PTH: variants seen among roughly 807,000 people sequenced by gnomAD.
PTH encodes the protein parathormone.
PTH carries 7 observed loss-of-function variants against 7.4 expected under a neutral mutation model. The ratio of observed to expected loss-of-function variants is 0.94; its 90% CI spans 0.53 to 1.77. PTH has a LOEUF of 1.77. Ranked by LOEUF, PTH falls within the 40% of genes most tolerant of loss-of-function variation. PTH has a pLI of 0.00. For synonymous variants in PTH, 51 were observed against 46.6 expected (o/e 1.09, Z -0.39); for missense variants, 128 against 137.1 (o/e 0.93, Z 0.33).
chr11:13,494,764 C>A (rs1292851174), intron 1 of PTH, among the ~76,000 whole-genome samples: 1 of 152,116 alleles, frequency 6.6e-6, no homozygotes, highest in African/African-American at 2.4e-5. Flanking sequence ...CTCATGCTCC[C>A]TTCTGTCACA....
At chr11:13,494,160 G>A (rs1206127824) in intron 1 of PTH, among the ~76,000 whole-genome samples, 3 of 151,938 alleles carry the variant, frequency 2.0e-5, no homozygotes, top group African/African-American at 4.8e-5. Context: ...ACAGACCAGC[G>A]TGGCTTCTTG....
At chr11:13,492,959 G>A (rs1427937475) in intron 1 of PTH, 99 bp from the exon 2 acceptor site, 19 of 1,060,660 alleles carry the variant, frequency 1.8e-5, no homozygotes, top group East Asian at 2.6e-5. Context: ...TGGTTTTCAC[G>A]AGAAGCTTTT....
intron 1 of PTH, among the ~76,000 whole-genome samples, chr11:13,495,571 G>A (rs1847527357): frequency 6.6e-6 from 1 of 152,042 alleles, no homozygotes; most frequent in South Asian, 2.1e-4. Context: ...ATTTAAATCA[G>A]AACTATTCAT....
In PTH at chr11:13,492,453, C is replaced by G; in HGVS notation, c.300G>C (p.Glu100Asp). Residue 100 changes from glutamate to aspartate, a missense_variant, in exon 3 of 3, where the codon GAG becomes GAC. Physicochemically the swap from Glu to Asp is conservative, Grantham distance 45. Coordinates refer to ENST00000282091, the MANE Select transcript of PTH (RefSeq NM_000315.4). ...ATACATTCACATCAGCTTTGTCTGCCTCTCCAAGACTTTTTTCATGGCTCT... is the reference window on the plus strand; with the variant it reads ...ATACATTCACATCAGCTTTGTCTGCGTCTCCAAGACTTTTTTCATGGCTCT... Reference protein sequence around the residue: ...LVESHEKSLGEADKADVNVLT... With the variant: ...LVESHEKSLGDADKADVNVLT... 1 of 1,614,064 alleles carries G rather than the reference C, an allele frequency of 6.2e-7. No individual in the cohort carries two copies. The highest frequency in any genetic ancestry group is 2.2e-5 in the East Asian group (1 of 44,876).
intron 1 of PTH, 29 bp from the exon 2 acceptor site, chr11:13,492,889 T>G: frequency 1.9e-6 from 3 of 1,574,514 alleles, no homozygotes; most frequent in Non-Finnish European, 2.6e-6. Flanking sequence ...TGGAGGTATT[T>G]TAAAATATTT....
chr11:13,493,796 T>A (rs1847506292), intron 1 of PTH, among the ~76,000 whole-genome samples: 4 of 152,250 alleles, frequency 2.6e-5, no homozygotes, highest in Admixed American at 2.6e-4. Context: ...TACATATATT[T>A]TACCCTTGCT....
In PTH at chr11:13,492,762, G is replaced by A; in HGVS notation, c.86+8C>T. 2 of 1,613,852 alleles carry A rather than the reference G, an allele frequency of 1.2e-6. No homozygotes were observed. The highest frequency in any genetic ancestry group is 1.7e-6 in the Non-Finnish European group (2 of 1,179,900). On this transcript the variant is annotated splice_region_variant and intron_variant, in intron 2 of 2. Coordinates refer to ENST00000282091, the MANE Select transcript of PTH (RefSeq NM_000315.4). ...AAAAATCCAATTCCAAGGCAAAACA[G>A]TACTTACTTAACAGATTTCCCATCC...
At chr11:13,495,278 T>G (rs1847524971) in intron 1 of PTH, among the ~76,000 whole-genome samples, 1 of 152,210 alleles carries the variant, frequency 6.6e-6, no homozygotes, top group Non-Finnish European at 1.5e-5. Flanking sequence ...AGAAGTGCTT[T>G]TCCTTAATGC....
rs1329824354 is a variant in PTH at position 13,492,268 on chromosome 11, G to A, written c.*137C>T. ...ATCAATTAAAATTGCAGTTATCATG[G>A]CTAGTGATGGATTACATGTAGTTTG... On this transcript the variant is annotated 3_prime_UTR_variant, in exon 3 of 3. Transcript: ENST00000282091. 1 of 981,856 alleles carries A rather than the reference G, an allele frequency of 1.0e-6. No individual in the cohort carries two copies. Among genetic ancestry groups the A allele is most frequent in the Non-Finnish European group, 1.5e-6 (1 of 663,482 alleles). The allele number at this position is 981,856 out of a possible 1,614,324, so 60.8% of individuals were successfully genotyped here.
chr11:13,495,373 G>T (rs983465740), intron 1 of PTH, among the ~76,000 whole-genome samples: 1 of 152,070 alleles, frequency 6.6e-6, no homozygotes, highest in Non-Finnish European at 1.5e-5. Context: ...AAATAGCATA[G>T]GAAATACTGT....
intron 1 of PTH, among the ~76,000 whole-genome samples, chr11:13,493,515 A>C (rs569133793): frequency 1.5e-4 from 23 of 152,256 alleles, no homozygotes; most frequent in Non-Finnish European, 2.8e-4. Context: ...ATATTAATAA[A>C]AATCCACTGA....
intron 2 of PTH, 43 bp downstream of exon 2, chr11:13,492,727 A>C (rs1411827829): frequency 6.2e-7 from 1 of 1,613,966 alleles, no homozygotes; most frequent in South Asian, 1.1e-5. Flanking sequence ...GAAATGATAA[A>C]GTCAACATTA....
In PTH at chr11:13,492,504, TCGGGGC is replaced by T; in HGVS notation, c.243_248del (p.Pro82_Arg83del). 6.2e-7 allele frequency: 1 copy of T among 1,614,192 alleles called. No individual in the cohort carries two copies. Among genetic ancestry groups the T allele is most frequent in the Non-Finnish European group, 8.5e-7 (1 of 1,180,024 alleles). On this transcript the variant is annotated inframe_deletion, in exon 3 of 3. Coordinates refer to ENST00000282091, the MANE Select transcript of PTH (RefSeq NM_000315.4). ...CAACCAAGACATTGTCTTCCTTTTT[TCGGGGC>T]CTCTGGGAACCAGCATCTCTGGGAG...
Position 13,492,811 on chromosome 11 carries a change from C to A in PTH, c.45G>T (p.Leu15Phe). The change falls in exon 2 of 3, where the codon TTG becomes TTT. Residue 15 changes from leucine (L) to phenylalanine (F), a missense_variant. Transcript: ENST00000282091. ...KDMAKVMIVM[L>F]AICFLTKSDG... ...CCGATTTTGTAAGAAAACAAATTGC[C>A]AACATGACAATCATAACTTTAGCCA... 6.2e-7 allele frequency: 1 copy of A among 1,613,916 alleles called. No homozygotes were observed. The highest frequency in any genetic ancestry group is 8.5e-7 in the Non-Finnish European group (1 of 1,179,934).
chr11:13,493,568 G>A lies in PTH; in HGVS notation c.-5-708C>T, dbSNP rs1321096709. Among the ~76,000 whole-genome samples, 5 of 152,300 alleles carry A rather than the reference G, an allele frequency of 3.3e-5. No individual in the cohort carries two copies. In the East Asian group the frequency reaches 5.8e-4, roughly 18 times the overall value. On this transcript the variant is annotated intron_variant, in intron 1 of 2. Transcript: ENST00000282091. ...TGTAACACTGAATCTAGATAATCAC[G>A]CATCTGCGATCTCACCATCTACCGT... is the stretch of plus-strand genomic sequence containing the variant.
chr11:13,492,216 C>A lies in PTH; in HGVS notation c.*189G>T, dbSNP rs576904790. On this transcript the variant is annotated 3_prime_UTR_variant, in exon 3 of 3. Transcript: ENST00000282091. ...AATAGAAAAGATAATTAAAATAACT[C>A]AAATGAATAAAAGTGGAATCAGAAT... 1.2e-4 allele frequency: 75 copies of A among 611,574 alleles called. No homozygotes were observed. The African/African-American group carries it at 1.4e-3, about 11-fold the overall frequency. 37.9% of individuals were successfully genotyped at this position (611,574 alleles called of 1,614,324 possible).
At chr11:13,493,126 G>T (rs938988593) in intron 1 of PTH, among the ~76,000 whole-genome samples, 10 of 150,334 alleles carry the variant, frequency 6.7e-5, no homozygotes, top group Non-Finnish European at 1.2e-4. Context: ...TATTTTTTTA[G>T]AATGCAATTT....
intron 1 of PTH, among the ~76,000 whole-genome samples, chr11:13,494,729 A>G (rs1404669194): frequency 1.3e-5 from 2 of 152,224 alleles, no homozygotes; most frequent in Non-Finnish European, 2.9e-5. Flanking sequence ...CATAGACAAT[A>G]GAGGCTGGCT....
chr11:13,494,290 C>A (rs1847513668), intron 1 of PTH, among the ~76,000 whole-genome samples: 3 of 152,108 alleles, frequency 2.0e-5, no homozygotes, highest in Admixed American at 2.0e-4. Context: ...CTCAGGATGG[C>A]CCTGTTACAC....
Sources: allele counts gnomAD v4.1 joint callset (sites outside exome capture counted in the v4.1 genomes callset), GRCh38; gene constraint gnomAD v4.1.1; transcripts MANE v1.5; gene names NCBI Gene and HGNC (gene_info 2026-07-23, HGNC 2026-07-21).